CCDC33: variants seen among roughly 807,000 people sequenced by gnomAD.
The protein encoded by CCDC33 is coiled-coil domain-containing protein 33.
Under a neutral mutation model 91.9 loss-of-function variants are expected in CCDC33, and 94 were observed. The observed-to-expected ratio is 1.02, with a 90% CI of 0.87 to 1.21. CCDC33 has a LOEUF of 1.21. CCDC33 is among the 50% of genes most tolerant of loss of function. The pLI is 0.00. For missense variants in CCDC33, 940 were observed against 935.5 expected, an observed-to-expected ratio of 1.00 and a Z score of -0.06; for synonymous variants, 396 against 374.5, an observed-to-expected ratio of 1.06 and a Z score of -0.66.
rs774731701 is a variant in CCDC33, at chr15:74,335,096, A to ACCC, written c.2139+12_2139+14dup. The ACCC allele has an allele frequency of 1.2e-6, 2 of 1,604,324 alleles. No individual in the cohort carries two copies. Among genetic ancestry groups the ACCC allele is most frequent in the East Asian group, 4.5e-5 (2 of 44,814 alleles). On this transcript the variant is annotated intron_variant, in intron 18 of 18. Transcript: ENST00000398814. ...ATCATCATAGAACAGCCTGTGAGTGACCCCCCTGGAGTAGCTCCCAGGGGT... is the reference window on the plus strand; with the variant it reads ...ATCATCATAGAACAGCCTGTGAGTGACCCCCCCCCTGGAGTAGCTCCCAGGGGT...
intron 5 of CCDC33, among the ~76,000 whole-genome samples, chr15:74,271,432 A>T (rs570449831): frequency 6.6e-6 from 1 of 152,228 alleles, no homozygotes; most frequent in Admixed American, 6.5e-5. Flanking sequence ...TTTCTCCCCA[A>T]AGAAACTAGT....
At chr15:74,262,377 G>A (rs2076048799) in intron 2 of CCDC33, 63 bp from the exon 3 acceptor site, 2 of 1,599,682 alleles carry the variant, frequency 1.3e-6, no homozygotes, top group Non-Finnish European at 1.7e-6. Context: ...GTGGAGCCTG[G>A]GATGGGGACA....
intron 16 of CCDC33, chr15:74,333,220 G>T (rs868565649): frequency 6.3e-7 from 1 of 1,586,982 alleles, no homozygotes; most frequent in Admixed American, 1.8e-5. Flanking sequence ...TTCCATCCCA[G>T]GTGGACCCCG....
upstream of CCDC33, among the ~76,000 whole-genome samples, chr15:74,232,582 T>A (rs2075013574): frequency 6.6e-6 from 1 of 152,142 alleles, no homozygotes; most frequent in Non-Finnish European, 1.5e-5. Flanking sequence ...TCTTTCTCCA[T>A]TGCTTTTGGG....
chr15:74,211,367 GTC>G (rs2074366231), intron 2 of CCDC33, among the ~76,000 whole-genome samples: 2 of 149,902 alleles, frequency 1.3e-5, no homozygotes, highest in South Asian at 2.1e-4. Context: ...CTACTGCTGG[GTC>G]TCTCTGTCAA....
intron 10 of CCDC33, among the ~76,000 whole-genome samples, chr15:74,287,562 C>G (rs1040443958): frequency 1.4e-4 from 22 of 152,254 alleles, no homozygotes; most frequent in African/African-American, 5.3e-4. Context: ...ATCTGTATAC[C>G]TGTAATCCCA....
chr15:74,233,500 G>A (rs2075049913), upstream of CCDC33, among the ~76,000 whole-genome samples: 1 of 152,212 alleles, frequency 6.6e-6, no homozygotes, highest in Non-Finnish European at 1.5e-5. Context: ...AGCCTCAGGA[G>A]TTTCTGCAGA....
chr15:74,241,662 A>C (rs944747122), intron 1 of CCDC33, among the ~76,000 whole-genome samples: 7 of 152,134 alleles, frequency 4.6e-5, no homozygotes, highest in African/African-American at 1.7e-4. Flanking sequence ...TGGCGATTGG[A>C]TGGGGTGGAC....
chr15:74,296,630 A>AAAT (rs1170832760), intron 11 of CCDC33, among the ~76,000 whole-genome samples: 11 of 152,112 alleles, frequency 7.2e-5, no homozygotes, highest in African/African-American at 1.4e-4. Context: ...CCATCTCAAA[A>AAAT]AATAATAATA....
intron 6 of CCDC33, 69 bp from the exon 7 acceptor site, chr15:74,272,702 G>C (rs560239187): frequency 3.8e-6 from 6 of 1,581,524 alleles, no homozygotes; most frequent in Admixed American, 3.5e-5. Context: ...GAGTCTAAGC[G>C]GGGGGCCCTG....
chr15:74,315,639 G>A (rs2060074933), intron 11 of CCDC33, among the ~76,000 whole-genome samples: 1 of 152,240 alleles, frequency 6.6e-6, no homozygotes, highest in South Asian at 2.1e-4. Flanking sequence ...AGAAGAGTAG[G>A]AAAGTCTTTT....
intron 2 of CCDC33, among the ~76,000 whole-genome samples, chr15:74,221,818 C>T (rs569122268): frequency 1.1e-4 from 16 of 152,252 alleles, no homozygotes; most frequent in South Asian, 4.2e-4. Flanking sequence ...GCTCAGGGTG[C>T]TTCCTTTCTG....
chr15:74,203,779 A>G (rs1427085990), intron 1 of CCDC33, among the ~76,000 whole-genome samples: 2 of 152,180 alleles, frequency 1.3e-5, no homozygotes, highest in Non-Finnish European at 2.9e-5. Flanking sequence ...GGTCTGTACC[A>G]TGGGAAACCA....
chr15:74,209,151 T>C, intron 1 of CCDC33: 2 of 1,296,276 alleles, frequency 1.5e-6, no homozygotes, highest in African/African-American at 1.5e-5. Context: ...CATCTCCAGC[T>C]CAGGCACAGA....
chr15:74,203,967 G>C (rs566164985), intron 1 of CCDC33, among the ~76,000 whole-genome samples: 9 of 152,344 alleles, frequency 5.9e-5, no homozygotes, highest in Non-Finnish European at 1.3e-4. Flanking sequence ...AAGTCTCAGA[G>C]TAGACAGGGC....
At chr15:74,328,955 C>G (rs540376839) in intron 11 of CCDC33, among the ~76,000 whole-genome samples, 93 of 152,322 alleles carry the variant, frequency 6.1e-4, no homozygotes, top group Admixed American at 2.2e-3. Flanking sequence ...TTTCCTCCCC[C>G]ATCCCAGCTC....
chr15:74,316,904 G>C lies in CCDC33; in HGVS notation c.1291-13285G>C, dbSNP rs1288677793. Among the ~76,000 whole-genome samples the C allele has an allele frequency of 6.6e-6, 1 of 152,192 alleles. No individual in the cohort carries two copies. Among genetic ancestry groups the C allele is most frequent in the African/African-American group, 2.4e-5 (1 of 41,424 alleles). On this transcript the variant is annotated intron_variant, in intron 11 of 18. Transcript: ENST00000398814. This position sits in a 1 kb window ranked among gnomAD's most constrained non-coding sequence, Gnocchi z 4.7. ...CAGAGGAGAAAACAGGCTTAGAGAG[G>C]TTAAGTGACCTGTCCAAAGTCACAC...
At chr15:74,279,567 G>A (rs1251820781) in intron 7 of CCDC33, among the ~76,000 whole-genome samples, 3 of 151,682 alleles carry the variant, frequency 2.0e-5, no homozygotes, top group South Asian at 2.1e-4. Context: ...ACGGAGTTTC[G>A]CTCTGTCACC....
At position 74,330,720 on chromosome 15, in the gene CCDC33, G is replaced by C. The variant is rs2060413846; in HGVS notation, c.1514G>C (p.Arg505Thr). 1 of 1,613,708 alleles carries C rather than the reference G, an allele frequency of 6.2e-7. No homozygotes were observed. The change falls in exon 13 of 19, where the codon AGG becomes ACG. Residue 505 changes from arginine (R) to threonine (T), a missense_variant. By Grantham distance (71) the Arg-to-Thr change is moderately conservative (BLOSUM62 -1). Transcript: ENST00000398814. ...CTGGATATGAAGAAACTGAGGGACA[G>C]GGTGCAGCATTTGCAGAATGAGCTG... Reference protein sequence around the residue: ...SELDMKKLRDRVQHLQNELIR... With the variant: ...SELDMKKLRDTVQHLQNELIR...
Sources: gnomAD v4.1 joint callset for allele counts (sites outside exome capture counted in the v4.1 genomes callset) on GRCh38, gnomAD v4.1.1 for gene constraint, Gnocchi (gnomAD v3.1) non-coding constraint, MANE v1.5 for transcripts, NCBI Gene and HGNC (gene_info 2026-07-23, HGNC 2026-07-21) for gene names.